PCP4: variants seen among roughly 807,000 people sequenced by gnomAD.
PCP4 encodes Purkinje cell protein 4, also known as calmodulin regulator protein PCP4.
PCP4 carries 8 observed loss-of-function variants against 10.0 expected under a neutral mutation model. The ratio of observed to expected loss-of-function variants is 0.80; its 90% CI spans 0.47 to 1.45. The LOEUF (loss-of-function observed/expected upper bound fraction) is 1.45, where lower values mean the gene tolerates loss of function less well. Ranked by LOEUF, PCP4 falls within the 40% of genes most tolerant of loss-of-function variation. PCP4 has a pLI of 0.00. For synonymous variants in PCP4, 21 were observed against 23.0 expected, an observed-to-expected ratio of 0.91 and a Z score of 0.24; for missense variants, 54 against 74.4, an observed-to-expected ratio of 0.73 and a Z score of 1.01.
In PCP4 at chr21:39,872,457, G is replaced by A. The variant is rs187987344; in HGVS notation, c.9+4947G>A. On this transcript the variant is annotated intron_variant, in intron 1 of 2. Coordinates refer to ENST00000328619, the MANE Select transcript of PCP4 (RefSeq NM_006198.3). ...AGATAATATCAGGACCTAAGCCTGG[G>A]GCTTTTCATTAATTTAAAATGACTT... Among the ~76,000 whole-genome samples, 930 of 152,210 alleles carry A rather than the reference G, an allele frequency of 6.1e-3. 6 individuals are homozygous for A. Among genetic ancestry groups the A allele is most frequent in the Middle Eastern group, 0.024 (7 of 294 alleles).
At chr21:39,916,225 C>A (rs1272546094) in intron 2 of PCP4, 1 of 152,216 alleles carries the variant, frequency 6.6e-6, no homozygotes, top group Non-Finnish European at 1.5e-5. Flanking sequence ...TTCATTTACC[C>A]ACTTTCCTTC....
intron 2 of PCP4, among the ~76,000 whole-genome samples, chr21:39,900,185 C>T (rs1181167134): frequency 6.6e-6 from 1 of 152,106 alleles, no homozygotes; most frequent in African/African-American, 2.4e-5. Flanking sequence ...CAGGCACCCA[C>T]CACCACGCCT....
intron 1 of PCP4, among the ~76,000 whole-genome samples, chr21:39,885,968 G>A (rs1478066532): frequency 6.6e-6 from 1 of 152,220 alleles, no homozygotes; most frequent in Non-Finnish European, 1.5e-5. Flanking sequence ...ATCTGCTCCA[G>A]GCCCCTCTTC....
At chr21:39,898,563 T>A (rs778974674) in intron 2 of PCP4, 36 bp downstream of exon 2, 1 of 1,560,920 alleles carries the variant, frequency 6.4e-7, no homozygotes, top group Admixed American at 1.7e-5. Flanking sequence ...TCTTTCTCTT[T>A]TGCCATCTGC....
chr21:39,892,132 G>A (rs1281636697), intron 1 of PCP4, among the ~76,000 whole-genome samples: 1 of 152,144 alleles, frequency 6.6e-6, no homozygotes, highest in African/African-American at 2.4e-5. Context: ...CTTGATCAAG[G>A]AGCCCTCAAG....
chr21:39,890,425 G>A (rs546354848), intron 1 of PCP4, among the ~76,000 whole-genome samples: 4 of 152,152 alleles, frequency 2.6e-5, no homozygotes, highest in Non-Finnish European at 5.9e-5. Context: ...GCATGATCTC[G>A]GTTCAGTGCA....
chr21:39,908,460 C>T (rs960276843), intron 2 of PCP4, among the ~76,000 whole-genome samples: 12 of 152,174 alleles, frequency 7.9e-5, no homozygotes, highest in Non-Finnish European at 1.3e-4. Context: ...GATGGCAGGC[C>T]AACTGGGAAA....
chr21:39,884,595 G>A (rs1261265700), intron 1 of PCP4, among the ~76,000 whole-genome samples: 4 of 152,016 alleles, frequency 2.6e-5, no homozygotes, highest in Admixed American at 1.3e-4. Flanking sequence ...TCAGGAGTTC[G>A]AGACCAGCCT....
intron 1 of PCP4, among the ~76,000 whole-genome samples, chr21:39,874,460 G>A (rs888417954): frequency 7.2e-5 from 11 of 152,084 alleles, no homozygotes; most frequent in African/African-American, 2.2e-4. Context: ...ATCTGTTCCC[G>A]TAGCACCACA....
rs577722561 is a variant in PCP4 at position 39,876,105 on chromosome 21, A to G, written c.9+8595A>G. Among the ~76,000 whole-genome samples the G allele has an allele frequency of 4.0e-5, 6 of 149,874 alleles. No individual in the cohort carries two copies. In the South Asian group the frequency reaches 1.3e-3, roughly 31 times the overall value. Reference sequence around the variant, plus strand: ...ATCTGAATATATATTTAATTGAAATATATATTAAATATATAGTAAATAATA... The same window carrying G: ...ATCTGAATATATATTTAATTGAAATGTATATTAAATATATAGTAAATAATA... On this transcript the variant is annotated intron_variant, in intron 1 of 2. Coordinates refer to ENST00000328619, the MANE Select transcript of PCP4 (RefSeq NM_006198.3).
At chr21:39,897,278 C>T (rs901151456) in intron 1 of PCP4, among the ~76,000 whole-genome samples, 3 of 151,362 alleles carry the variant, frequency 2.0e-5, no homozygotes, top group Admixed American at 6.6e-5. Flanking sequence ...ATCCCAGCTA[C>T]TCTGTAGGCT....
chr21:39,907,228 A>G (rs2087516067), intron 2 of PCP4, among the ~76,000 whole-genome samples: 1 of 152,136 alleles, frequency 6.6e-6, no homozygotes, highest in East Asian at 1.9e-4. Context: ...TCCCCTCCAC[A>G]TGAGGCAGGG....
intron 2 of PCP4, among the ~76,000 whole-genome samples, chr21:39,910,128 T>C (rs935468437): frequency 1.3e-5 from 2 of 152,130 alleles, no homozygotes; most frequent in East Asian, 1.9e-4. Flanking sequence ...CTGAAAACAA[T>C]TGGAAATCGA....
intron 1 of PCP4, among the ~76,000 whole-genome samples, chr21:39,879,960 C>A (rs964164919): frequency 6.6e-6 from 1 of 152,108 alleles, no homozygotes; most frequent in Non-Finnish European, 1.5e-5. Context: ...CCCCTTGGAC[C>A]GCATGGGTCA....
chr21:39,882,895 C>T (rs755482595), intron 1 of PCP4, among the ~76,000 whole-genome samples: 2 of 152,218 alleles, frequency 1.3e-5, no homozygotes, highest in Non-Finnish European at 2.9e-5. Flanking sequence ...TTCTATTCTT[C>T]TCTGTACTGC....
intron 1 of PCP4, among the ~76,000 whole-genome samples, chr21:39,883,824 GA>G (rs952554779): frequency 6.0e-5 from 9 of 150,394 alleles, no homozygotes; most frequent in South Asian, 2.1e-4. Context: ...TGAATACAAT[GA>G]AAAAAAAAGG....
rs1460186835 is a variant in PCP4 at position 39,906,960 on chromosome 21, A to G, written c.61+8433A>G. On this transcript the variant is annotated intron_variant, in intron 2 of 2. Transcript: ENST00000328619. The surrounding 1 kb of genome is among the most constrained non-coding windows in gnomAD (Gnocchi z 6.3). The stretch of plus-strand genomic sequence containing the variant: ...TGAAAACACTTTTGCTCTTTTAAGT[A>G]GGTGAAACACTCATAATCTTATTTA... 6.6e-6 allele frequency among the ~76,000 whole-genome samples: 1 copy of G among 152,200 alleles called. No individual in the cohort carries two copies. Among genetic ancestry groups the G allele is most frequent in the African/African-American group, 2.4e-5 (1 of 41,444 alleles).
chr21:39,907,705 G>T (rs1359216002), intron 2 of PCP4, among the ~76,000 whole-genome samples: 1 of 152,070 alleles, frequency 6.6e-6, no homozygotes, highest in Non-Finnish European at 1.5e-5. Flanking sequence ...GCTGAGGCAT[G>T]ACAATCACTT....
At chr21:39,881,631 C>T (rs1459992762) in intron 1 of PCP4, among the ~76,000 whole-genome samples, 2 of 152,124 alleles carry the variant, frequency 1.3e-5, no homozygotes, top group Admixed American at 6.5e-5. Flanking sequence ...GCATTTGTCC[C>T]GTTTTTTCCT....
Sources: gnomAD v4.1 joint callset for allele counts (sites outside exome capture counted in the v4.1 genomes callset) on GRCh38, gnomAD v4.1.1 for gene constraint, Gnocchi (gnomAD v3.1) non-coding constraint, MANE v1.5 for transcripts, NCBI Gene and HGNC (gene_info 2026-07-23, HGNC 2026-07-21) for gene names.